The following APBB1 variants were observed in gnomAD, a reference collection of about 807,000 sequenced individuals.
APBB1 encodes the protein amyloid beta precursor protein binding family B member 1, also known as adaptor protein FE65a2.
Under a neutral mutation model 78.4 loss-of-function variants are expected in APBB1, and 22 were observed. That is an observed-to-expected ratio of 0.28 (90% confidence interval 0.20 to 0.40). APBB1 has a LOEUF of 0.40. APBB1 is among the 10% of genes least tolerant of loss of function. The probability of loss-of-function intolerance (pLI) is 1.00; values close to 1 mark genes in which losing one functional copy is unlikely to be tolerated. For missense variants in APBB1, 749 were observed against 932.4 expected (o/e 0.80, Z 2.56); for synonymous variants, 369 against 372.7 (o/e 0.99, Z 0.12).
chr11:6,395,797 C>A lies in APBB1; in HGVS notation c.1954G>T (p.Ala652Ser). ...TACTAGTAGCTTACCATGCACGCAGCCTGCACAGCCTCTGAGAGGCTGGCA... is the reference window on the plus strand; with the variant it reads ...TACTAGTAGCTTACCATGCACGCAGACTGCACAGCCTCTGAGAGGCTGGCA... ...NAASLSEAVQ[A>S]ACMLRYQKCL... is the part of the protein sequence containing the mutation. The change falls in exon 14 of 15, where the codon GCT becomes TCT. Residue 652 changes from alanine to serine, a missense_variant. Physicochemically the swap from Ala to Ser is moderately conservative, Grantham distance 99. This residue lies in a region of APBB1 where 96 missense variants were observed against 116.0 expected (regional missense o/e 0.83). Transcript: ENST00000609360. This position sits in a 1 kb window ranked among gnomAD's most constrained non-coding sequence, Gnocchi z 5.2. The A allele has an allele frequency of 6.2e-7, 1 of 1,613,968 alleles. No homozygotes were observed. Among genetic ancestry groups the A allele is most frequent in the Non-Finnish European group, 8.5e-7 (1 of 1,179,940 alleles).
rs139057535 is a variant in APBB1, at chr11:6,403,344, A to G, written c.1015T>C (p.Leu339=). The G allele has an allele frequency of 6.2e-7, 1 of 1,614,126 alleles. No individual in the cohort carries two copies. The highest frequency in any genetic ancestry group is 1.3e-5 in the African/African-American group (1 of 75,018). ...LGLKEPEEGT[L]TFPAQSLSPE... Reference sequence around the variant, plus strand: ...CTGAGGCTCTGAGCTGGGAAGGTCAACGTCCCCTCCTCAGGTTCCTTCAGT... The same window carrying G: ...CTGAGGCTCTGAGCTGGGAAGGTCAGCGTCCCCTCCTCAGGTTCCTTCAGT... The change falls in exon 5 of 15, where the codon TTG becomes CTG. Residue 339 remains leucine, a synonymous_variant. Coordinates refer to ENST00000609360, the MANE Select transcript of APBB1 (RefSeq NM_001164.5). This position sits in a 1 kb window ranked among gnomAD's most constrained non-coding sequence, Gnocchi z 5.3.
chr11:6,413,627 A>C (rs1273156552), intron 1 of APBB1, among the ~76,000 whole-genome samples: 2 of 151,208 alleles, frequency 1.3e-5, no homozygotes, highest in Non-Finnish European at 2.9e-5. Flanking sequence ...TAATTTTTGT[A>C]ATTCTTTTTT....
At position 6,403,990 on chromosome 11, in the gene APBB1, G is replaced by C. The variant is rs1227013949; in HGVS notation, c.722-168C>G. 1.5e-6 allele frequency: 1 copy of C among 657,400 alleles called. No individual in the cohort carries two copies. Among genetic ancestry groups the C allele is most frequent in the Non-Finnish European group, 2.4e-6 (1 of 424,056 alleles). 40.7% of individuals were successfully genotyped at this position (657,400 alleles called of 1,614,324 possible). On this transcript the variant is annotated intron_variant, in intron 2 of 14. Transcript: ENST00000609360. The surrounding 1 kb of genome is among the most constrained non-coding windows in gnomAD (Gnocchi z 5.3). ...AGCCTATAGTCTGGAGTCACCACAT[G>C]TGGGGCCACCAGTAGGGGACATGGC... is the stretch of plus-strand genomic sequence containing the variant.
In APBB1 at chr11:6,410,754, G is replaced by A. The variant is rs114521612; in HGVS notation, c.594C>T (p.Gly198=). Residue 198 remains glycine (G), a synonymous_variant, in exon 2 of 15, where the codon GGC becomes GGT. Transcript: ENST00000609360. ...TGGCACTCTTGCTGTGTTCCCGGGG[G>A]CCATCTGTAAGGGCTTGGGGCCTGG... is the stretch of plus-strand genomic sequence containing the variant. ...APPRPQALTD[G]PREHSKSASL... The A allele has an allele frequency of 7.6e-6, 12 of 1,584,112 alleles. No homozygotes were observed. The East Asian group carries it at 1.8e-4, about 24-fold the overall frequency.
intron 2 of APBB1, among the ~76,000 whole-genome samples, chr11:6,407,933 C>A (rs1386440562): frequency 6.6e-6 from 1 of 151,914 alleles, no homozygotes; most frequent in Non-Finnish European, 1.5e-5. Context: ...GCGCCCGCCA[C>A]CGCGCCCGGC....
intron 12 of APBB1, among the ~76,000 whole-genome samples, chr11:6,398,261 C>A (rs2134043941): frequency 6.6e-6 from 1 of 152,202 alleles, no homozygotes; most frequent in East Asian, 1.9e-4. Flanking sequence ...TAACATACTC[C>A]ATGGTTTACT....
chr11:6,406,746 G>A (rs1199751043), intron 2 of APBB1, among the ~76,000 whole-genome samples: 1 of 151,934 alleles, frequency 6.6e-6, no homozygotes, highest in African/African-American at 2.4e-5. Flanking sequence ...CTCTCCTTCA[G>A]ACATCAGTAT....
Position 6,410,585 on chromosome 11 carries a change from C to T in APBB1, c.721+42G>A, listed in dbSNP as rs116029144. ...CTGTATGAGAGTCCTAACCTCTGCC[C>T]TCACACCCTCCCACATGCCCATGTC... is the stretch of plus-strand genomic sequence containing the variant. On this transcript the variant is annotated intron_variant, in intron 2 of 14. Coordinates refer to ENST00000609360, the MANE Select transcript of APBB1 (RefSeq NM_001164.5). 3,374 of 1,497,856 alleles carry T rather than the reference C, an allele frequency of 2.3e-3. 75 individuals carry two copies. In the African/African-American group the frequency reaches 0.042, roughly 19 times the overall value. The allele number at this position is 1,497,856 out of a possible 1,614,324, so 92.8% of individuals were successfully genotyped here.
At chr11:6,412,883 C>T (rs745600749) in intron 1 of APBB1, among the ~76,000 whole-genome samples, 24 of 152,288 alleles carry the variant, frequency 1.6e-4, no homozygotes, top group Non-Finnish European at 2.2e-4. Context: ...GGTAAGAGGA[C>T]GTCCTGTTCC....
At chr11:6,408,815 T>G (rs191294753) in intron 2 of APBB1, among the ~76,000 whole-genome samples, 5 of 152,288 alleles carry the variant, frequency 3.3e-5, no homozygotes, top group African/African-American at 1.2e-4. Flanking sequence ...ATGTTTGTGT[T>G]TTTTGTAGAG....
intron 12 of APBB1, among the ~76,000 whole-genome samples, chr11:6,399,676 A>C (rs73398863): frequency 0.05 from 7,619 of 152,298 alleles, 664 homozygotes; most frequent in African/African-American, 0.17. Flanking sequence ...GTGAGCTTTC[A>C]AAATTCAAAT....
chr11:6,397,782 C>T (rs1420784694), intron 12 of APBB1, among the ~76,000 whole-genome samples: 1 of 152,212 alleles, frequency 6.6e-6, no homozygotes, highest in African/African-American at 2.4e-5. Flanking sequence ...ATCCCTCTGT[C>T]CCCAATTCTA....
chr11:6,395,965 G>A lies in APBB1; in HGVS notation c.1789-3C>T, dbSNP rs781284433. The A allele has an allele frequency of 6.2e-6, 10 of 1,613,106 alleles. No individual in the cohort carries two copies. Among genetic ancestry groups the A allele is most frequent in the South Asian group, 5.5e-5 (5 of 91,014 alleles). ...CACTCTCCCAGCACTGCCTCTGTCTGCATGGAGGGAACTCAGTTAAAAAGG... is the reference window on the plus strand; with the variant it reads ...CACTCTCCCAGCACTGCCTCTGTCTACATGGAGGGAACTCAGTTAAAAAGG... On this transcript the variant is annotated splice_polypyrimidine_tract_variant and splice_region_variant and intron_variant, in intron 13 of 14. Coordinates refer to ENST00000609360, the MANE Select transcript of APBB1 (RefSeq NM_001164.5). The surrounding 1 kb of genome is among the most constrained non-coding windows in gnomAD (Gnocchi z 5.2).
intron 2 of APBB1, chr11:6,405,452 G>A (rs1024465737): frequency 3.0e-6 from 3 of 986,906 alleles, no homozygotes; most frequent in Non-Finnish European, 3.6e-6. Flanking sequence ...GGCTGGGAGC[G>A]CCCAGACTGC....
Position 6,403,887 on chromosome 11 carries a change from C to T in APBB1, c.722-65G>A, listed in dbSNP as rs893011171. The T allele has an allele frequency of 1.3e-5, 19 of 1,496,590 alleles. No individual in the cohort carries two copies. The highest frequency in any genetic ancestry group is 8.4e-5 in the African/African-American group (6 of 71,272). The allele number at this position is 1,496,590 out of a possible 1,614,324, so 92.7% of individuals were successfully genotyped here. ...AGAGCAGACAGCTGGTGCCTATGCC[C>T]GGTCCCCTCTGAGACCCCATGGTTG... is the stretch of plus-strand genomic sequence containing the variant. On this transcript the variant is annotated intron_variant, in intron 2 of 14. Coordinates refer to ENST00000609360, the MANE Select transcript of APBB1 (RefSeq NM_001164.5). This position sits in a 1 kb window ranked among gnomAD's most constrained non-coding sequence, Gnocchi z 5.3.
intron 2 of APBB1, among the ~76,000 whole-genome samples, chr11:6,406,167 T>G (rs1479084088): frequency 6.6e-6 from 1 of 152,206 alleles, no homozygotes; most frequent in African/African-American, 2.4e-5. Context: ...TTCACACACA[T>G]GCATTTATTC....
intron 2 of APBB1, chr11:6,405,468 T>C (rs1368909532): frequency 3.0e-6 from 3 of 986,620 alleles, no homozygotes; most frequent in Non-Finnish European, 3.6e-6. Flanking sequence ...ACTGCTGACG[T>C]GCTTCCCGTT....
chr11:6,401,033 A>G lies in APBB1; in HGVS notation c.1628T>C (p.Phe543Ser). The change falls in exon 12 of 15, where the codon TTC becomes TCC. Residue 543 changes from phenylalanine to serine, a missense_variant. Coordinates refer to ENST00000609360, the MANE Select transcript of APBB1 (RefSeq NM_001164.5). This position sits in a 1 kb window ranked among gnomAD's most constrained non-coding sequence, Gnocchi z 4.5. ...PAPKNELVQK[F>S]QVYYLGNVPV... is the part of the protein sequence containing the mutation. ...TACATTCCCCAGGTAATAGACTTGG[A>G]ACTTCTGGACCAACTCATTCTTAGG... The G allele has an allele frequency of 6.2e-7, 1 of 1,614,114 alleles. No homozygotes were observed. Among genetic ancestry groups the G allele is most frequent in the South Asian group, 1.1e-5 (1 of 91,070 alleles).
intron 2 of APBB1, among the ~76,000 whole-genome samples, chr11:6,408,321 C>A (rs184879365): frequency 0.022 from 3,309 of 151,312 alleles, 121 homozygotes; most frequent in African/African-American, 0.076. Flanking sequence ...ACAACAACAA[C>A]GAAAAAAATA....
Sources: gnomAD v4.1 joint callset for allele counts (sites outside exome capture counted in the v4.1 genomes callset) on GRCh38, gnomAD v4.1.1 for gene constraint, gnomAD v4.1.1 regional missense constraint, Gnocchi (gnomAD v3.1) non-coding constraint, MANE v1.5 for transcripts, NCBI Gene and HGNC (gene_info 2026-07-23, HGNC 2026-07-21) for gene names.